GRIK2: variants seen among roughly 807,000 people sequenced by gnomAD.
GRIK2 encodes glutamate ionotropic receptor kainate type subunit 2.
A neutral mutation model predicts 100.3 loss-of-function variants in GRIK2; 32 were observed. The observed-to-expected ratio is 0.32, with a 90% CI of 0.24 to 0.43. The LOEUF (loss-of-function observed/expected upper bound fraction) is 0.43, where lower values mean the gene tolerates loss of function less well. Among genes scored for constraint, GRIK2 ranks in the 20% least tolerant of loss-of-function variants. The probability of loss-of-function intolerance (pLI) is 1.00; values close to 1 mark genes in which losing one functional copy is unlikely to be tolerated. For synonymous variants in GRIK2, 417 were observed against 389.4 expected (o/e 1.07, Z -0.83); for missense variants, 843 against 1,114.9 (o/e 0.76, Z 3.47).
intron 2 of GRIK2, among the ~76,000 whole-genome samples, chr6:101,590,705 G>A (rs1778603280): frequency 6.6e-6 from 1 of 152,040 alleles, no homozygotes; most frequent in Admixed American, 6.6e-5. Context: ...CTTTATGGAA[G>A]AGGGATGGGA....
At chr6:102,002,158 C>T (rs1794974135) in intron 14 of GRIK2, among the ~76,000 whole-genome samples, 1 of 149,822 alleles carries the variant, frequency 6.7e-6, no homozygotes, top group East Asian at 2.0e-4. Flanking sequence ...TGATACTAGC[C>T]CTATTGATAT....
At chr6:101,867,520 G>T (rs1446536296) in intron 11 of GRIK2, among the ~76,000 whole-genome samples, 1 of 151,540 alleles carries the variant, frequency 6.6e-6, no homozygotes, top group East Asian at 1.9e-4. Context: ...TCTGATTTAT[G>T]CTATACTAGA....
chr6:101,909,379 T>TG (rs1554284525), intron 12 of GRIK2, among the ~76,000 whole-genome samples: 1 of 81,984 alleles, frequency 1.2e-5, no homozygotes, highest in Non-Finnish European at 3.0e-5. Flanking sequence ...GGGTTTTCTT[T>TG]TTCTTTTTTT....
intron 2 of GRIK2, among the ~76,000 whole-genome samples, chr6:101,609,720 A>G (rs978754338): frequency 2.0e-5 from 3 of 151,850 alleles, no homozygotes; most frequent in Admixed American, 1.3e-4. Flanking sequence ...GTGAGGCACC[A>G]AGTTAAGTCC....
At chr6:101,855,275 A>G (rs1414833556) in intron 10 of GRIK2, among the ~76,000 whole-genome samples, 1 of 152,170 alleles carries the variant, frequency 6.6e-6, no homozygotes, top group African/African-American at 2.4e-5. Context: ...ATAATCTCTA[A>G]TTCCTCTATA....
chr6:101,936,700 G>A (rs1790640238), intron 14 of GRIK2, among the ~76,000 whole-genome samples: 1 of 152,064 alleles, frequency 6.6e-6, no homozygotes, highest in South Asian at 2.1e-4. Context: ...GTGCCTTTGA[G>A]TAAAGCTGCT....
At chr6:102,057,398 G>A (rs755629269) in intron 16 of GRIK2, among the ~76,000 whole-genome samples, 10 of 151,912 alleles carry the variant, frequency 6.6e-5, no homozygotes, top group African/African-American at 2.2e-4. Flanking sequence ...CAAATGATGC[G>A]AGGATTTAAT....
intron 3 of GRIK2, among the ~76,000 whole-genome samples, chr6:101,625,851 T>C (rs537579142): frequency 8.9e-4 from 135 of 152,270 alleles, no homozygotes; most frequent in Non-Finnish European, 1.4e-3. Flanking sequence ...ATGAAATCAC[T>C]CTCTAAGAGC....
chr6:101,467,601 T>A (rs1206940491), intron 2 of GRIK2, among the ~76,000 whole-genome samples: 1 of 152,224 alleles, frequency 6.6e-6, no homozygotes, highest in Admixed American at 6.5e-5. Flanking sequence ...AATATTGCTG[T>A]TACTGCTATA....
intron 16 of GRIK2, chr6:102,063,850 A>G (rs1035792160): frequency 3.5e-6 from 2 of 568,946 alleles, no homozygotes; most frequent in Non-Finnish European, 6.3e-6. Context: ...AGAATTAGAG[A>G]TGTGTAAATA....
intron 14 of GRIK2, among the ~76,000 whole-genome samples, chr6:102,018,214 T>C (rs1769223888): frequency 6.6e-6 from 1 of 152,136 alleles, no homozygotes; most frequent in Non-Finnish European, 1.5e-5. Context: ...AGGCTTTTGG[T>C]GAGCTTCTGC....
At position 101,595,879 on chromosome 6, in the gene GRIK2, A is replaced by G. The variant is rs1778904865; in HGVS notation, c.116-26070A>G. Among the ~76,000 whole-genome samples, 3 of 150,564 alleles carry G rather than the reference A, an allele frequency of 2.0e-5. No individual in the cohort carries two copies. In the South Asian group the frequency reaches 6.3e-4, roughly 32 times the overall value. ...TATGGTTCTGACTTTCTTCTATACC[A>G]GTGTTTTCTTCCTATGTGTTTTATA... On this transcript the variant is annotated intron_variant, in intron 2 of 16. Coordinates refer to ENST00000369134, the MANE Select transcript of GRIK2 (RefSeq NM_021956.5).
chr6:101,891,105 C>T (rs1163170869), intron 12 of GRIK2, among the ~76,000 whole-genome samples: 3 of 147,954 alleles, frequency 2.0e-5, no homozygotes, highest in South Asian at 2.1e-4. Context: ...TGTAAATAAT[C>T]GAACTCATTT....
At chr6:101,454,039 A>G (rs1410202061) in intron 2 of GRIK2, among the ~76,000 whole-genome samples, 2 of 152,058 alleles carry the variant, frequency 1.3e-5, no homozygotes, top group African/African-American at 2.4e-5. Context: ...GGAGAAGCTG[A>G]ATTCACACCC....
chr6:101,651,978 A>G lies in GRIK2; in HGVS notation c.542-24645A>G, dbSNP rs959040057. On this transcript the variant is annotated intron_variant, in intron 4 of 16. Coordinates refer to ENST00000369134, the MANE Select transcript of GRIK2 (RefSeq NM_021956.5). ...TGTGGGGTACCCTGAAAGTCAAGTG[A>G]AGAAATCATGACAAAGAAGCAGAGA... is the stretch of plus-strand genomic sequence containing the variant. Among the ~76,000 whole-genome samples the G allele has an allele frequency of 1.3e-5, 2 of 152,190 alleles. 1 individual carries two copies. Among genetic ancestry groups the G allele is most frequent in the East Asian group, 3.9e-4 (2 of 5,182 alleles).
At chr6:102,046,116 A>G (rs1051372415) in intron 15 of GRIK2, among the ~76,000 whole-genome samples, 3 of 152,256 alleles carry the variant, frequency 2.0e-5, no homozygotes, top group Middle Eastern at 6.8e-3. Flanking sequence ...ATGATAAAGG[A>G]GGAAATAAAT....
At chr6:101,409,102 TTGTGTATG>T (rs1389593264) in intron 2 of GRIK2, among the ~76,000 whole-genome samples, 27 of 133,736 alleles carry the variant, frequency 2.0e-4, no homozygotes, top group African/African-American at 5.8e-4. Context: ...ACCTGAAACA[TTGTGTATG>T]TGTGTGTGTG....
intron 16 of GRIK2, among the ~76,000 whole-genome samples, chr6:102,057,135 T>C (rs1037960378): frequency 6.6e-6 from 1 of 151,994 alleles, no homozygotes; most frequent in Admixed American, 6.6e-5. Flanking sequence ...GTAAATGTGG[T>C]ATTTAAGGCA....
intron 7 of GRIK2, among the ~76,000 whole-genome samples, chr6:101,737,715 T>C (rs1372832160): frequency 6.6e-6 from 1 of 152,240 alleles, no homozygotes; most frequent in Non-Finnish European, 1.5e-5. Context: ...ACATTTGATC[T>C]TTAGGTTTGC....
Sources: allele counts gnomAD v4.1 joint callset (sites outside exome capture counted in the v4.1 genomes callset), GRCh38; gene constraint gnomAD v4.1.1; transcripts MANE v1.5; gene names NCBI Gene and HGNC (gene_info 2026-07-23, HGNC 2026-07-21).